Variants in EYS observed in about 807,000 individuals in gnomAD.
EYS encodes the protein protein eyes shut homolog.
In EYS, 250 loss-of-function variants were observed where a neutral mutation model predicts 282.1. The ratio of observed to expected loss-of-function variants is 0.89; its 90% CI spans 0.80 to 0.98. The LOEUF (loss-of-function observed/expected upper bound fraction) is 0.98, where lower values mean the gene tolerates loss of function less well. EYS is among the 50% of genes least tolerant of loss of function. The probability of loss-of-function intolerance (pLI) is 0.00; values close to 1 mark genes in which losing one functional copy is unlikely to be tolerated. For synonymous variants in EYS, 1,355 were observed against 1,282.9 expected, an observed-to-expected ratio of 1.06 and a Z score of -1.20; for missense variants, 4,016 against 3,709.0, an observed-to-expected ratio of 1.08 and a Z score of -2.15.
At chr6:65,455,814 C>T (rs2150405442) in intron 5 of EYS, among the ~76,000 whole-genome samples, 1 of 152,054 alleles carries the variant, frequency 6.6e-6, no homozygotes, top group Admixed American at 6.6e-5. Flanking sequence ...CTGAATTCTA[C>T]CAAAAATTTA....
At chr6:63,995,178 A>G (rs1767778877) in intron 34 of EYS, among the ~76,000 whole-genome samples, 1 of 151,988 alleles carries the variant, frequency 6.6e-6, no homozygotes, top group South Asian at 2.1e-4. Flanking sequence ...CTCAATAGCA[A>G]TGAACAAACA....
intron 12 of EYS, among the ~76,000 whole-genome samples, chr6:65,237,750 A>G (rs1425425029): frequency 6.6e-6 from 1 of 152,126 alleles, no homozygotes; most frequent in African/African-American, 2.4e-5. Context: ...GCTGTTTAGG[A>G]CCCATTGCTA....
intron 24 of EYS, among the ~76,000 whole-genome samples, chr6:64,610,499 G>C (rs1767080915): frequency 6.7e-6 from 1 of 149,276 alleles, no homozygotes; most frequent in South Asian, 2.1e-4. Flanking sequence ...CAAATCCCCG[G>C]TTCAAGCGAT....
At chr6:65,277,110 G>A (rs1768068948) in intron 12 of EYS, among the ~76,000 whole-genome samples, 2 of 152,096 alleles carry the variant, frequency 1.3e-5, no homozygotes, top group African/African-American at 4.8e-5. Context: ...AGAAGGTGGA[G>A]TCCTCACGAA....
intron 30 of EYS, among the ~76,000 whole-genome samples, chr6:64,257,220 T>G (rs769978995): frequency 6.6e-6 from 1 of 152,028 alleles, no homozygotes; most frequent in Non-Finnish European, 1.5e-5. Context: ...CCATCTTTAG[T>G]TTTCCCTCCA....
intron 36 of EYS, among the ~76,000 whole-genome samples, chr6:63,812,683 T>C (rs555251417): frequency 6.6e-6 from 1 of 152,188 alleles, no homozygotes; most frequent in Non-Finnish European, 1.5e-5. Context: ...TGATAGTATA[T>C]CTCTGCCATT....
At chr6:64,389,362 A>G (rs1185504223) in intron 28 of EYS, among the ~76,000 whole-genome samples, 1 of 152,200 alleles carries the variant, frequency 6.6e-6, no homozygotes, top group Non-Finnish European at 1.5e-5. Flanking sequence ...TCAGAGTAAT[A>G]ATTTCCATAT....
At chr6:64,269,026 T>C (rs1767855722) in intron 30 of EYS, among the ~76,000 whole-genome samples, 1 of 152,174 alleles carries the variant, frequency 6.6e-6, no homozygotes, top group South Asian at 2.1e-4. Flanking sequence ...AAAAAATGTA[T>C]GCTTCCTCAT....
intron 21 of EYS, 148 bp downstream of exon 21, chr6:64,821,497 C>T (rs1448337975): frequency 2.1e-6 from 1 of 466,738 alleles, no homozygotes; most frequent in Non-Finnish European, 3.9e-6. Context: ...TTTGGAGCAG[C>T]CAAAGAATTA....
chr6:64,662,065 G>C (rs1769048989), intron 22 of EYS, among the ~76,000 whole-genome samples: 1 of 151,932 alleles, frequency 6.6e-6, no homozygotes, highest in African/African-American at 2.4e-5. Context: ...AAAAAACGAT[G>C]AGTTCATGTC....
chr6:64,085,340 G>GCACACACACACACACACACACACA (rs71551560), intron 31 of EYS, among the ~76,000 whole-genome samples: 71 of 139,868 alleles, frequency 5.1e-4, no homozygotes, highest in African/African-American at 1.7e-3. Context: ...ACGTGCGCGC[G>GCACACACACACACACACACACACA]CACACACACA....
At chr6:64,178,104 G>A (rs553959439) in intron 31 of EYS, among the ~76,000 whole-genome samples, 23 of 152,100 alleles carry the variant, frequency 1.5e-4, no homozygotes, top group Middle Eastern at 3.4e-3. Flanking sequence ...TGAAAGAAGC[G>A]ATACAGGTTA....
intron 15 of EYS, among the ~76,000 whole-genome samples, chr6:64,920,617 G>A (rs1768314114): frequency 6.6e-6 from 1 of 152,000 alleles, no homozygotes; most frequent in African/African-American, 2.4e-5. Context: ...AAAAATGTAT[G>A]TAAGTATATG....
chr6:65,363,858 T>C (rs1764809970), intron 8 of EYS, among the ~76,000 whole-genome samples: 1 of 151,790 alleles, frequency 6.6e-6, no homozygotes. Flanking sequence ...ATATCATTTT[T>C]GTATAATCAA....
At chr6:64,045,702 C>T (rs1406812411) in intron 33 of EYS, among the ~76,000 whole-genome samples, 1 of 150,932 alleles carries the variant, frequency 6.6e-6, no homozygotes, top group Non-Finnish European at 1.5e-5. Context: ...CCGCCTCGGC[C>T]TCCCAAAGTG....
At chr6:65,463,815 G>C (rs1036530180) in intron 5 of EYS, among the ~76,000 whole-genome samples, 3 of 152,014 alleles carry the variant, frequency 2.0e-5, no homozygotes, top group Non-Finnish European at 4.4e-5. Flanking sequence ...TCCATTATTG[G>C]AGTGCTAAGC....
intron 12 of EYS, among the ~76,000 whole-genome samples, chr6:65,209,596 T>C (rs1036466672): frequency 6.6e-6 from 1 of 151,962 alleles, no homozygotes; most frequent in Non-Finnish European, 1.5e-5. Context: ...GGCACTGTTA[T>C]AGGCACTGGA....
intron 11 of EYS, among the ~76,000 whole-genome samples, chr6:65,310,975 C>T (rs544626668): frequency 7.2e-5 from 11 of 152,030 alleles, no homozygotes; most frequent in African/African-American, 2.7e-4. Flanking sequence ...CTGTCGTGTT[C>T]ACTATTGTTT....
chr6:64,240,379 C>G (rs888272926), intron 30 of EYS, among the ~76,000 whole-genome samples: 6 of 152,190 alleles, frequency 3.9e-5, no homozygotes, highest in African/African-American at 1.4e-4. Context: ...TACTTCCTAT[C>G]CATGAACATG....
Sources: gnomAD v4.1 joint callset for allele counts (sites outside exome capture counted in the v4.1 genomes callset) on GRCh38, gnomAD v4.1.1 for gene constraint, MANE v1.5 for transcripts, NCBI Gene and HGNC (gene_info 2026-07-23, HGNC 2026-07-21) for gene names.